SLC10A7: variants seen among roughly 807,000 people sequenced by gnomAD.
SLC10A7 encodes the protein sodium/bile acid cotransporter 7.
SLC10A7 carries 29 observed loss-of-function variants against 43.2 expected under a neutral mutation model. The observed-to-expected ratio is 0.67, with a 90% confidence interval of 0.50 to 0.92. The LOEUF is 0.92. SLC10A7 is among the 40% of genes least tolerant of loss of function. SLC10A7 has a pLI of 0.00. For synonymous variants in SLC10A7, 152 were observed against 144.8 expected (o/e 1.05, Z -0.35); for missense variants, 295 against 403.2 (o/e 0.73, Z 2.30).
At chr4:146,405,421 T>A (rs1727600687) in intron 5 of SLC10A7, among the ~76,000 whole-genome samples, 1 of 152,184 alleles carries the variant, frequency 6.6e-6, no homozygotes, top group Non-Finnish European at 1.5e-5. Context: ...GATTTTGAGA[T>A]GCTGCCATAA....
intron 4 of SLC10A7, among the ~76,000 whole-genome samples, chr4:146,462,254 T>A (rs1227261882): frequency 1.3e-5 from 2 of 152,146 alleles, no homozygotes; most frequent in African/African-American, 2.4e-5. Context: ...ATATAGCAAT[T>A]CTTTTTTGTT....
chr4:146,481,839 G>C (rs1039303448), intron 4 of SLC10A7, among the ~76,000 whole-genome samples: 9 of 152,188 alleles, frequency 5.9e-5, no homozygotes, highest in African/African-American at 2.2e-4. Flanking sequence ...ATGAATAACA[G>C]TGCTGCTGTG....
chr4:146,325,112 T>C (rs1203745067), intron 6 of SLC10A7, among the ~76,000 whole-genome samples: 2 of 152,206 alleles, frequency 1.3e-5, no homozygotes, highest in East Asian at 3.9e-4. Flanking sequence ...TCCCCATAGT[T>C]TTAATTCACT....
chr4:146,267,103 T>C (rs1728607532), intron 10 of SLC10A7, among the ~76,000 whole-genome samples: 1 of 152,070 alleles, frequency 6.6e-6, no homozygotes, highest in African/African-American at 2.4e-5. Flanking sequence ...ACCAAGATCA[T>C]TACACAGGGC....
intron 5 of SLC10A7, among the ~76,000 whole-genome samples, chr4:146,409,412 G>A (rs1727980855): frequency 6.6e-6 from 1 of 150,908 alleles, no homozygotes. Context: ...TTCTGGAAAA[G>A]GCAAAACTAA....
At chr4:146,271,834 C>T (rs1216439370) in intron 10 of SLC10A7, among the ~76,000 whole-genome samples, 2 of 152,160 alleles carry the variant, frequency 1.3e-5, no homozygotes, top group African/African-American at 4.8e-5. Flanking sequence ...TTCACTGTTC[C>T]TTCTCCTTGG....
chr4:146,344,809 T>C (rs1339192957), intron 5 of SLC10A7, among the ~76,000 whole-genome samples: 2 of 152,096 alleles, frequency 1.3e-5, no homozygotes, highest in Non-Finnish European at 2.9e-5. Flanking sequence ...GAAAATATAG[T>C]GATATTTCAT....
chr4:146,340,025 A>G (rs1203587401), intron 5 of SLC10A7, among the ~76,000 whole-genome samples: 2 of 151,134 alleles, frequency 1.3e-5, no homozygotes. Flanking sequence ...GTTTATTTTT[A>G]TTAAATATCA....
At chr4:146,286,628 G>GTGTCTGGAGTGGTGAGAAGGACCA (rs1477783332) in intron 9 of SLC10A7, among the ~76,000 whole-genome samples, 32 of 144,610 alleles carry the variant, frequency 2.2e-4, no homozygotes, top group Non-Finnish European at 4.0e-4. Context: ...GAGAAGGACC[G>GTGTCTGGAGTGGTGAGAAGGACCA]TGTCTGGAGT....
At chr4:146,265,100 T>C (rs922656983) in intron 10 of SLC10A7, among the ~76,000 whole-genome samples, 2 of 152,218 alleles carry the variant, frequency 1.3e-5, no homozygotes, top group African/African-American at 2.4e-5. Context: ...ACCACTATTA[T>C]GTAAGCACTA....
At chr4:146,322,602 T>G (rs944854399) in intron 6 of SLC10A7, among the ~76,000 whole-genome samples, 1 of 152,188 alleles carries the variant, frequency 6.6e-6, no homozygotes, top group Non-Finnish European at 1.5e-5. Context: ...GTGCCACATT[T>G]TCTTAATGCA....
At chr4:146,477,912 C>T (rs536344366) in intron 4 of SLC10A7, 61 of 152,090 alleles carry the variant, frequency 4.0e-4, no homozygotes, top group Non-Finnish European at 7.2e-4. Context: ...CACTTGATAG[C>T]GTATCTATTT....
chr4:146,258,583 C>G (rs1237731403), intron 11 of SLC10A7, 109 bp downstream of exon 11: 1 of 1,039,236 alleles, frequency 9.6e-7, no homozygotes, highest in Non-Finnish European at 1.4e-6. Context: ...AAAATATGTA[C>G]TTGAAAACAA....
At chr4:146,300,936 C>T (rs541518035) in intron 7 of SLC10A7, among the ~76,000 whole-genome samples, 1 of 152,252 alleles carries the variant, frequency 6.6e-6, no homozygotes, top group Admixed American at 6.5e-5. Context: ...ATTCAAAATT[C>T]TCTTCAGTCA....
chr4:146,511,250 A>C (rs1394801452), intron 2 of SLC10A7, among the ~76,000 whole-genome samples: 2 of 152,236 alleles, frequency 1.3e-5, no homozygotes, highest in Non-Finnish European at 2.9e-5. Flanking sequence ...CTAGGATTCA[A>C]ATATATATAA....
intron 1 of SLC10A7, among the ~76,000 whole-genome samples, chr4:146,519,338 A>G (rs1239224034): frequency 6.9e-6 from 1 of 145,548 alleles, no homozygotes; most frequent in Non-Finnish European, 1.5e-5. Context: ...ATAATATATA[A>G]TATTATCTAT....
At chr4:146,504,701 A>G (rs1381977782) in intron 3 of SLC10A7, among the ~76,000 whole-genome samples, 1 of 152,208 alleles carries the variant, frequency 6.6e-6, no homozygotes, top group East Asian at 1.9e-4. Flanking sequence ...ACAAGCTTAC[A>G]TCTTTGGATT....
chr4:146,306,554 A>G (rs1022282034), intron 6 of SLC10A7, among the ~76,000 whole-genome samples: 12 of 152,176 alleles, frequency 7.9e-5, no homozygotes, highest in African/African-American at 2.9e-4. Flanking sequence ...TAAAATTTCA[A>G]TATAGCTCCC....
intron 5 of SLC10A7, among the ~76,000 whole-genome samples, chr4:146,380,537 T>C (rs1359966851): frequency 6.6e-6 from 1 of 152,202 alleles, no homozygotes; most frequent in East Asian, 1.9e-4. Context: ...GTTCACTGCA[T>C]ATACTTATTT....
Sources: allele counts gnomAD v4.1 joint callset (sites outside exome capture counted in the v4.1 genomes callset), GRCh38; gene constraint gnomAD v4.1.1; transcripts MANE v1.5; gene names NCBI Gene and HGNC (gene_info 2026-07-23, HGNC 2026-07-21).